The following MELTF variants were observed in gnomAD, a reference collection of about 807,000 sequenced individuals.
MELTF encodes antigen p97 (melanoma associated) identified by monoclonal antibodies 133.2 and 96.5.
A neutral mutation model predicts 83.7 loss-of-function variants in MELTF; 67 were observed. That is an observed-to-expected ratio of 0.80 (90% confidence interval 0.66 to 0.98). The LOEUF (loss-of-function observed/expected upper bound fraction) is 0.98. Ranked by LOEUF, MELTF falls within the 50% of genes least tolerant of loss-of-function variation. The probability of loss-of-function intolerance (pLI) is 0.00; values close to 1 mark genes in which losing one functional copy is unlikely to be tolerated. For missense variants in MELTF, 1,002 were observed against 1,035.6 expected (o/e 0.97, Z 0.44); for synonymous variants, 462 against 447.6 (o/e 1.03, Z -0.41).
In MELTF at chr3:197,018,874, A is replaced by G. The variant is rs1267389506; in HGVS notation, c.713-1584T>C. ...CATTTGTTTCTCGATAGAAAAGAAAATTTGCAAGAGTAACTATTAACACCA... is the reference window on the plus strand; with the variant it reads ...CATTTGTTTCTCGATAGAAAAGAAAGTTTGCAAGAGTAACTATTAACACCA... On this transcript the variant is annotated intron_variant, in intron 6 of 15. Transcript: ENST00000296350. 2.2e-5 allele frequency: 21 copies of G among 940,338 alleles called. No individual in the cohort carries two copies. The Admixed American group carries it at 1.1e-3, about 50-fold the overall frequency. 58.2% of individuals were successfully genotyped at this position (940,338 alleles called of 1,614,324 possible). A position where few individuals can be genotyped will look rare whatever the true frequency, so the allele number is the denominator to read the frequency against.
At position 197,026,737 on chromosome 3, in the gene MELTF, G is replaced by A; in HGVS notation, c.227C>T (p.Thr76Ile). The A allele has an allele frequency of 6.2e-7, 1 of 1,612,992 alleles. No individual in the cohort carries two copies. The change falls in exon 3 of 16, where the codon ACT becomes ATT. Residue 76 changes from threonine (T) to isoleucine (I), a missense_variant. Physicochemically the swap from Thr to Ile is moderately conservative, Grantham distance 89 (BLOSUM62 -1). Coordinates refer to ENST00000296350, the MANE Select transcript of MELTF (RefSeq NM_005929.6). ...CTCATAGATGGCTCCTCCATCCAGA[G>A]TGATGGCGTCAGCCTCCTGGGCCTG... ...LIAAQEADAI[T>I]LDGGAIYEAG... is the part of the protein sequence containing the mutation.
chr3:197,019,897 G>T (rs1294289167), intron 6 of MELTF: 12 of 1,437,142 alleles, frequency 8.3e-6, no homozygotes, highest in African/African-American at 1.4e-5. Context: ...CAAAACTGCA[G>T]ACAGAACGGT....
At position 197,024,266 on chromosome 3, in the gene MELTF, G is replaced by A. The variant is rs1719756167; in HGVS notation, c.487+37C>T. ...GCATGGGCCAAGGAAAGGAGGGGGA[G>A]GCCTGGGGACCCTCCTGCCCAGCCC... On this transcript the variant is annotated intron_variant, in intron 4 of 15. Transcript: ENST00000296350. This position sits in a 1 kb window ranked among gnomAD's most constrained non-coding sequence, Gnocchi z 5.3. 3 of 1,518,414 alleles carry A rather than the reference G, an allele frequency of 2.0e-6. No homozygotes were observed. Among genetic ancestry groups the A allele is most frequent in the Non-Finnish European group, 2.7e-6 (3 of 1,131,190 alleles). The allele number at this position is 1,518,414 out of a possible 1,614,324, so 94.1% of individuals were successfully genotyped here. A position where few individuals can be genotyped will look rare whatever the true frequency, so the allele number is the denominator to read the frequency against.
rs1719336941 is a variant in MELTF, at chr3:197,015,526, G to A, written c.1082-10C>T. ...AGGTAGGGGGGCAGCCCTGGGGTGG[G>A]GCAAGCAAGCGGTCACTGCCAGGCC... On this transcript the variant is annotated splice_polypyrimidine_tract_variant and intron_variant, in intron 8 of 15. Coordinates refer to ENST00000296350, the MANE Select transcript of MELTF (RefSeq NM_005929.6). The A allele has an allele frequency of 1.9e-6, 3 of 1,605,738 alleles. No individual in the cohort carries two copies. Among genetic ancestry groups the A allele is most frequent in the Middle Eastern group, 1.7e-4 (1 of 6,030 alleles).
chr3:197,027,847 T>G lies in MELTF; in HGVS notation c.113A>C (p.Asn38Thr), dbSNP rs371422593. 6.2e-7 allele frequency: 1 copy of G among 1,611,140 alleles called. No individual in the cohort carries two copies. The highest frequency in any genetic ancestry group is 8.5e-7 in the Non-Finnish European group (1 of 1,179,290). The change falls in exon 2 of 16, where the codon AAC becomes ACC. Residue 38 changes from asparagine to threonine, a missense_variant. Coordinates refer to ENST00000296350, the MANE Select transcript of MELTF (RefSeq NM_005929.6). ...CGCTTCCCGGAAGGCCTCGCTCATG[T>G]TGCCGCACTTGTGCTGCTCTGGGTC... ...TSDPEQHKCG[N>T]MSEAFREAGI...
rs1720017593 is a variant in MELTF at position 197,029,756 on chromosome 3, G to A, written c.-54C>T. The A allele has an allele frequency of 2.6e-6, 3 of 1,163,352 alleles. No homozygotes were observed. The South Asian group carries it at 1.3e-4, about 50-fold the overall frequency. 72.1% of individuals were successfully genotyped at this position (1,163,352 alleles called of 1,614,324 possible). On this transcript the variant is annotated 5_prime_UTR_variant, in exon 1 of 16. Transcript: ENST00000296350. This position sits in a 1 kb window ranked among gnomAD's most constrained non-coding sequence, Gnocchi z 6.5. ...CTGGGGCTGGGTCCGGGTCCGAGGA[G>A]GTCCGCAGCAGCCGGGCTTCCTCCC... is the stretch of plus-strand genomic sequence containing the variant.
At position 197,001,793 on chromosome 3, in the gene MELTF, G is replaced by GT. The variant is rs1162178011; in HGVS notation, c.*1578_*1579insA. ...TGCTGGCTTGTTTGGCTTTATTTTA[G>GT]AAACCAACCAACATGTTTCATTAGC... On this transcript the variant is annotated 3_prime_UTR_variant, in exon 16 of 16. Coordinates refer to ENST00000296350, the MANE Select transcript of MELTF (RefSeq NM_005929.6). The GT allele has an allele frequency of 2.0e-5, 3 of 151,880 alleles. No individual in the cohort carries two copies. The highest frequency in any genetic ancestry group is 7.3e-5 in the African/African-American group (3 of 41,320). 9.4% of individuals were successfully genotyped at this position (151,880 alleles called of 1,614,324 possible).
Position 197,020,901 on chromosome 3 carries a change from C to T in MELTF, c.712+503G>A, listed in dbSNP as rs1021625625. On this transcript the variant is annotated intron_variant, in intron 6 of 15. Transcript: ENST00000296350. Reference sequence around the variant, plus strand: ...CCAGGATGGTCTCTTCTCCTGACCTCGTGATCCGCCCACCTCGGCCTCCCA... The same window carrying T: ...CCAGGATGGTCTCTTCTCCTGACCTTGTGATCCGCCCACCTCGGCCTCCCA... Among the ~76,000 whole-genome samples the T allele has an allele frequency of 5.9e-5, 9 of 152,080 alleles. 1 individual carries two copies. The highest frequency in any genetic ancestry group is 2.4e-5 in the African/African-American group (1 of 41,404).
rs757942989 is a variant in MELTF at position 197,006,502 on chromosome 3, T to TA, written c.1938+46dup. 4.5e-6 allele frequency: 7 copies of TA among 1,565,624 alleles called. No homozygotes were observed. The highest frequency in any genetic ancestry group is 6.1e-6 in the Non-Finnish European group (7 of 1,153,222). On this transcript the variant is annotated intron_variant, in intron 14 of 15. Transcript: ENST00000296350. The surrounding 1 kb of genome is among the most constrained non-coding windows in gnomAD (Gnocchi z 5.4). ...ACTGAGGCCTCCCAGGGGCTCAGCT[T>TA]ACCTCTGCTGCACACCCCTCAATGA... is the stretch of plus-strand genomic sequence containing the variant.
At chr3:197,025,194 C>T (rs567790552) in intron 3 of MELTF, among the ~76,000 whole-genome samples, 6 of 152,262 alleles carry the variant, frequency 3.9e-5, no homozygotes, top group Admixed American at 6.5e-5. Context: ...TCCCATCGCA[C>T]GGGCGCACAC....
Position 197,021,402 on chromosome 3 carries a change from A to G in MELTF, c.712+2T>C. ...CTGGGCCCGTGCCCCTCCCCCACTC[A>G]CCATCCGTGTTCTCCAGTACCGTGC... On this transcript the variant is annotated splice_donor_variant, in intron 6 of 15. Coordinates refer to ENST00000296350, the MANE Select transcript of MELTF (RefSeq NM_005929.6). LOFTEE classifies it high-confidence loss of function. The G allele has an allele frequency of 6.2e-7, 1 of 1,613,270 alleles. No homozygotes were observed. The highest frequency in any genetic ancestry group is 8.5e-7 in the Non-Finnish European group (1 of 1,179,706).
chr3:197,008,402 C>T lies in MELTF; in HGVS notation c.1750+255G>A, dbSNP rs7649700. Among the ~76,000 whole-genome samples, 15,760 of 152,130 alleles carry T rather than the reference C, an allele frequency of 0.1. 1,983 individuals carry two copies. Among genetic ancestry groups the T allele is most frequent in the African/African-American group, 0.3 (12,287 of 41,438 alleles). ...AGATTGACTGGGATTGAGTTTCTAC[C>T]GTTTCGGTGGATTAGGGACTTGAAT... On this transcript the variant is annotated intron_variant, in intron 13 of 15. Transcript: ENST00000296350. This position sits in a 1 kb window ranked among gnomAD's most constrained non-coding sequence, Gnocchi z 5.4.
intron 8 of MELTF, 24 bp from the exon 9 acceptor site, chr3:197,015,540 C>G: frequency 6.2e-7 from 1 of 1,600,980 alleles, no homozygotes; most frequent in Non-Finnish European, 8.5e-7. Flanking sequence ...AGCAAGCGGT[C>G]ACTGCCAGGC....
In MELTF at chr3:197,024,216, G is replaced by T; in HGVS notation, c.487+87C>A. 1 of 1,393,982 alleles carries T rather than the reference G, an allele frequency of 7.2e-7. No homozygotes were observed. The highest frequency in any genetic ancestry group is 1.4e-5 in the South Asian group (1 of 72,728). 86.4% of individuals were successfully genotyped at this position (1,393,982 alleles called of 1,614,324 possible). On this transcript the variant is annotated intron_variant, in intron 4 of 15. Coordinates refer to ENST00000296350, the MANE Select transcript of MELTF (RefSeq NM_005929.6). The surrounding 1 kb of genome is among the most constrained non-coding windows in gnomAD (Gnocchi z 5.3). ...AATGAAGAATGGTGGCGAGGCCGGAGGGAGGCTACCCAGTGAAGGGACGAG... is the reference window on the plus strand; with the variant it reads ...AATGAAGAATGGTGGCGAGGCCGGATGGAGGCTACCCAGTGAAGGGACGAG...
chr3:197,023,166 C>T (rs749710193), intron 4 of MELTF, 53 bp from the exon 5 acceptor site: 4 of 1,596,764 alleles, frequency 2.5e-6, no homozygotes, highest in Admixed American at 1.7e-5. Context: ...CAGAGCCAAG[C>T]CAAGCCCCCA....
chr3:197,021,382 C>A (rs1352303081), intron 6 of MELTF, 22 bp downstream of exon 6: 14 of 1,613,202 alleles, frequency 8.7e-6, no homozygotes, highest in Non-Finnish European at 1.1e-5. Context: ...CTCCTCTGGG[C>A]CCGTGCCCCT....
At chr3:197,026,597 G>C (rs1050042486) in intron 3 of MELTF, 63 bp downstream of exon 3, 6 of 1,484,584 alleles carry the variant, frequency 4.0e-6, no homozygotes, top group African/African-American at 1.4e-5. Flanking sequence ...GCCCAGCAAG[G>C]GCAGCCTGGA....
rs1175938215 is a variant in MELTF at position 197,002,003 on chromosome 3, C to T, written c.*1369G>A. The stretch of plus-strand genomic sequence containing the variant: ...AGCAATCGTCAGGTCGGAGGAGAAT[C>T]ACTAGCCCCCCACAGCGAGAGGGGA... On this transcript the variant is annotated 3_prime_UTR_variant, in exon 16 of 16. Transcript: ENST00000296350. The T allele has an allele frequency of 6.6e-6, 1 of 152,308 alleles. No individual in the cohort carries two copies. The highest frequency in any genetic ancestry group is 2.4e-5 in the African/African-American group (1 of 41,480). The allele number at this position is 152,308 out of a possible 1,614,324, so 9.4% of individuals were successfully genotyped here.
rs138236456 is a variant in MELTF, at chr3:197,021,423, C to T, written c.693G>A (p.Thr231=). The part of the protein sequence containing the change: ...AGDVAFVKHS[T]VLENTDGKTL... Reference sequence around the variant, plus strand: ...ACTCACCATCCGTGTTCTCCAGTACCGTGCTGTGCTTCACAAAAGCCACGT... The same window carrying T: ...ACTCACCATCCGTGTTCTCCAGTACTGTGCTGTGCTTCACAAAAGCCACGT... Residue 231 remains threonine, a synonymous_variant, in exon 6 of 16, where the codon ACG becomes ACA. Transcript: ENST00000296350. 15 of 1,614,136 alleles carry T rather than the reference C, an allele frequency of 9.3e-6. No individual in the cohort carries two copies. The African/African-American group carries it at 9.3e-5, about 10-fold the overall frequency.
Sources: gnomAD v4.1 joint callset for allele counts (sites outside exome capture counted in the v4.1 genomes callset) on GRCh38, gnomAD v4.1.1 for gene constraint, Gnocchi (gnomAD v3.1) non-coding constraint, MANE v1.5 for transcripts, NCBI Gene and HGNC (gene_info 2026-07-23, HGNC 2026-07-21) for gene names.